Variants in CSMD1 observed in about 807,000 individuals in gnomAD.
CSMD1 encodes CUB and Sushi multiple domains 1.
A neutral mutation model predicts 417.5 loss-of-function variants in CSMD1; 213 were observed. The ratio of observed to expected loss-of-function variants is 0.51; its 90% CI spans 0.46 to 0.57. CSMD1 has a LOEUF of 0.57. Among genes scored for constraint, CSMD1 ranks in the 20% least tolerant of loss-of-function variants. The pLI is 0.00. For synonymous variants in CSMD1, 2,862 were observed against 1,736.8 expected, an observed-to-expected ratio of 1.65 and a Z score of -16.11; for missense variants, 6,923 against 4,529.7, an observed-to-expected ratio of 1.53 and a Z score of -15.17.
At chr8:3,395,405 G>T (rs74304361) in intron 17 of CSMD1, among the ~76,000 whole-genome samples, 3,201 of 152,192 alleles carry the variant, frequency 0.021, 223 homozygotes, top group East Asian at 0.19. Context: ...ATTGGCTAAT[G>T]TTAAAAATGT....
At chr8:4,409,642 C>CTTT (rs61368925) in intron 3 of CSMD1, among the ~76,000 whole-genome samples, 39 of 141,862 alleles carry the variant, frequency 2.7e-4, no homozygotes, top group African/African-American at 8.6e-4. Context: ...GACTTTTTTT[C>CTTT]TTTTTTTTTT....
intron 1 of CSMD1, among the ~76,000 whole-genome samples, chr8:4,922,001 T>C (rs1466169266): frequency 6.6e-6 from 1 of 152,128 alleles, no homozygotes. Context: ...AATCCTGCAA[T>C]TTCCTTCCTA....
chr8:3,135,834 G>C (rs1200906888), intron 41 of CSMD1, among the ~76,000 whole-genome samples: 1 of 152,180 alleles, frequency 6.6e-6, no homozygotes, highest in Admixed American at 6.6e-5. Flanking sequence ...AGCAATTGCA[G>C]TAGGAGAAGC....
chr8:4,963,023 T>A (rs993344208), intron 1 of CSMD1, among the ~76,000 whole-genome samples: 7 of 152,108 alleles, frequency 4.6e-5, no homozygotes, highest in African/African-American at 1.7e-4. Flanking sequence ...GTGCCCTGTT[T>A]ATAGCCTCCC....
At chr8:3,224,004 G>T in intron 27 of CSMD1, 137 bp from the exon 28 acceptor site, 1 of 710,490 alleles carries the variant, frequency 1.4e-6, no homozygotes. Context: ...TTGTGTGTTG[G>T]TTATCAATTA....
chr8:4,374,993 A>C (rs1802639717), intron 3 of CSMD1, among the ~76,000 whole-genome samples: 1 of 142,654 alleles, frequency 7.0e-6, no homozygotes. Context: ...GGGTACGGGC[A>C]AGGAGCAATA....
At chr8:4,450,064 A>G (rs187543292) in intron 2 of CSMD1, among the ~76,000 whole-genome samples, 5 of 152,284 alleles carry the variant, frequency 3.3e-5, no homozygotes, top group African/African-American at 1.2e-4. Context: ...CTCCCGGACC[A>G]AGGACTTCCT....
intron 2 of CSMD1, among the ~76,000 whole-genome samples, chr8:4,526,143 A>T (rs555172274): frequency 1.2e-4 from 19 of 152,210 alleles, no homozygotes; most frequent in African/African-American, 4.1e-4. Context: ...AAAGGGAGAA[A>T]GTGTTGTTAA....
intron 3 of CSMD1, among the ~76,000 whole-genome samples, chr8:4,411,303 T>A (rs1796638926): frequency 6.6e-6 from 1 of 152,154 alleles, no homozygotes; most frequent in Non-Finnish European, 1.5e-5. Flanking sequence ...ACTATATTCC[T>A]TTTAGACAAG....
At chr8:4,935,686 T>A (rs1259141455) in intron 1 of CSMD1, among the ~76,000 whole-genome samples, 1 of 152,182 alleles carries the variant, frequency 6.6e-6, no homozygotes, top group East Asian at 1.9e-4. Context: ...TTTTACATAT[T>A]TTTAGTTCTT....
chr8:3,292,886 T>G (rs1365316966), intron 25 of CSMD1, among the ~76,000 whole-genome samples: 1 of 152,126 alleles, frequency 6.6e-6, no homozygotes, highest in African/African-American at 2.4e-5. Context: ...TAGCTGGTTA[T>G]TTTGCTCGTT....
intron 2 of CSMD1, among the ~76,000 whole-genome samples, chr8:4,464,381 T>G (rs345150): frequency 6.6e-6 from 1 of 152,216 alleles, no homozygotes; most frequent in Admixed American, 6.5e-5. Context: ...AAAATGCATT[T>G]AATATACCTA....
intron 3 of CSMD1, among the ~76,000 whole-genome samples, chr8:4,248,745 C>A (rs1386029069): frequency 6.6e-6 from 1 of 152,142 alleles, no homozygotes; most frequent in Non-Finnish European, 1.5e-5. Flanking sequence ...ACTGACATTA[C>A]ATTACACTTA....
At chr8:3,919,541 G>C (rs908256576) in intron 5 of CSMD1, among the ~76,000 whole-genome samples, 4 of 152,040 alleles carry the variant, frequency 2.6e-5, no homozygotes, top group Non-Finnish European at 2.9e-5. Context: ...CTGAAGATTG[G>C]TAATATAATT....
chr8:3,440,438 T>C (rs1240662769), intron 12 of CSMD1, among the ~76,000 whole-genome samples: 1 of 152,242 alleles, frequency 6.6e-6, no homozygotes, highest in African/African-American at 2.4e-5. Flanking sequence ...AAATTGGGTG[T>C]TCACGTGTTC....
chr8:4,750,897 G>A (rs796569018), intron 1 of CSMD1, among the ~76,000 whole-genome samples: 2 of 152,314 alleles, frequency 1.3e-5, no homozygotes, highest in African/African-American at 4.8e-5. Context: ...AGCAGTACTA[G>A]GTCTTACTAA....
At chr8:4,875,828 C>T (rs1430400099) in intron 1 of CSMD1, among the ~76,000 whole-genome samples, 1 of 151,928 alleles carries the variant, frequency 6.6e-6, no homozygotes, top group Non-Finnish European at 1.5e-5. Flanking sequence ...GAGACAGACA[C>T]ACACACACAC....
At chr8:4,431,148 A>G (rs2128947081) in intron 2 of CSMD1, among the ~76,000 whole-genome samples, 1 of 152,226 alleles carries the variant, frequency 6.6e-6, no homozygotes, top group Admixed American at 6.5e-5. Context: ...GCTCTAAATG[A>G]TTTGCTCAAA....
intron 3 of CSMD1, among the ~76,000 whole-genome samples, chr8:4,199,410 G>A (rs1361279061): frequency 1.3e-5 from 2 of 152,164 alleles, no homozygotes; most frequent in Non-Finnish European, 2.9e-5. Flanking sequence ...TGGATTTGGT[G>A]CTGGCATTAG....
Sources: allele counts gnomAD v4.1 joint callset (sites outside exome capture counted in the v4.1 genomes callset), GRCh38; gene constraint gnomAD v4.1.1; transcripts MANE v1.5; gene names NCBI Gene and HGNC (gene_info 2026-07-23, HGNC 2026-07-21).